Variants in LGR6 observed in about 807,000 individuals in gnomAD.
The protein encoded by LGR6 is leucine-rich repeat-containing G protein-coupled receptor 6.
LGR6 carries 45 observed loss-of-function variants against 69.4 expected under a neutral mutation model. The ratio of observed to expected loss-of-function variants is 0.65; its 90% CI spans 0.51 to 0.83. The LOEUF (loss-of-function observed/expected upper bound fraction) is 0.83. LGR6 is among the 40% of genes least tolerant of loss of function. The pLI is 0.00. For missense variants in LGR6, 1,108 were observed against 1,246.7 expected (o/e 0.89, Z 1.68); for synonymous variants, 538 against 555.0 (o/e 0.97, Z 0.43).
intron 1 of LGR6, among the ~76,000 whole-genome samples, chr1:202,195,494 A>T (rs1658606799): frequency 6.6e-6 from 1 of 152,194 alleles, no homozygotes; most frequent in Non-Finnish European, 1.5e-5. Context: ...GAGAAAAATA[A>T]TGTCCATCTA....
intron 4 of LGR6, among the ~76,000 whole-genome samples, chr1:202,242,498 G>T (rs943773640): frequency 1.3e-5 from 2 of 152,306 alleles, no homozygotes; most frequent in Admixed American, 6.5e-5. Context: ...CAGATGTCCC[G>T]AGTGAATATC....
chr1:202,237,353 A>G (rs1163354278), intron 4 of LGR6, among the ~76,000 whole-genome samples: 3 of 152,248 alleles, frequency 2.0e-5, no homozygotes, highest in Non-Finnish European at 2.9e-5. Flanking sequence ...GGGGCAGACT[A>G]AACATTTGCC....
chr1:202,206,979 G>A lies in LGR6; in HGVS notation c.212+12778G>A, dbSNP rs563233079. Among the ~76,000 whole-genome samples, 84 of 151,792 alleles carry A rather than the reference G, an allele frequency of 5.5e-4. 1 individual carries two copies. Among genetic ancestry groups the A allele is most frequent in the Non-Finnish European group, 1.0e-3 (68 of 67,950 alleles). The stretch of plus-strand genomic sequence containing the variant: ...GTCACCCAGGCTGGAGTGCAATGGC[G>A]CTATCTTGGCTCACTGCAACCTCCG... On this transcript the variant is annotated intron_variant, in intron 1 of 17. Coordinates refer to ENST00000367278, the MANE Select transcript of LGR6 (RefSeq NM_001017403.2).
chr1:202,265,001 A>G (rs530042779), intron 4 of LGR6, among the ~76,000 whole-genome samples: 1 of 152,076 alleles, frequency 6.6e-6, no homozygotes, highest in South Asian at 2.1e-4. Context: ...AGAGGCTGAC[A>G]GTGAGGGGAA....
chr1:202,256,274 C>T (rs1158368151), intron 4 of LGR6, among the ~76,000 whole-genome samples: 4 of 151,966 alleles, frequency 2.6e-5, no homozygotes, highest in African/African-American at 7.3e-5. Flanking sequence ...GATAGAGTCT[C>T]GCTCAGCCAC....
chr1:202,199,475 G>T (rs373914713), intron 1 of LGR6, among the ~76,000 whole-genome samples: 1 of 152,214 alleles, frequency 6.6e-6, no homozygotes, highest in Non-Finnish European at 1.5e-5. Flanking sequence ...GAAACCTCTC[G>T]GCTCTGGCAG....
At position 202,295,327 on chromosome 1, in the gene LGR6, CAAAAA is replaced by C. The variant is rs58243962; in HGVS notation, c.717-2163_717-2159del. Among the ~76,000 whole-genome samples the C allele has an allele frequency of 1.3e-4, 6 of 45,556 alleles. No homozygotes were observed. In the South Asian group the frequency reaches 2.4e-3, roughly 18 times the overall value. 29.9% of individuals were successfully genotyped at this position (45,556 alleles called of 152,430 possible). On this transcript the variant is annotated intron_variant, in intron 6 of 17. Transcript: ENST00000367278. ...CAGGCGACAGAGCAAGACTCCATCT[CAAAAA>C]AAAAAAAAAAAAAAAAAGACTTTTC...
At chr1:202,254,550 C>G (rs1465606636) in intron 4 of LGR6, among the ~76,000 whole-genome samples, 2 of 152,246 alleles carry the variant, frequency 1.3e-5, no homozygotes, top group Non-Finnish European at 2.9e-5. Flanking sequence ...TTCTGCAGAT[C>G]TGTGTTGTAC....
intron 7 of LGR6, among the ~76,000 whole-genome samples, chr1:202,298,446 C>T (rs945567142): frequency 1.3e-4 from 20 of 151,764 alleles, no homozygotes; most frequent in Non-Finnish European, 2.5e-4. Context: ...AGAGCTCTAT[C>T]GTACAGCTAG....
At chr1:202,225,276 T>G in intron 1 of LGR6, 147 bp from the exon 2 acceptor site, 1 of 708,074 alleles carries the variant, frequency 1.4e-6, no homozygotes, top group Non-Finnish European at 2.6e-6. Context: ...GCAGCTGCTG[T>G]TGTCAGACTG....
rs571424670 is a variant in LGR6, at chr1:202,306,511, G to A, written c.1137-357G>A. Among the ~76,000 whole-genome samples, 4 of 152,288 alleles carry A rather than the reference G, an allele frequency of 2.6e-5. No individual in the cohort carries two copies. In the East Asian group the frequency reaches 5.8e-4, roughly 22 times the overall value. ...GAGCTCTGCTTCCCAGTTCCGGCCAGTCACTTGGGTTGGGCGGTGCTCTGC... is the reference window on the plus strand; with the variant it reads ...GAGCTCTGCTTCCCAGTTCCGGCCAATCACTTGGGTTGGGCGGTGCTCTGC... On this transcript the variant is annotated intron_variant, in intron 12 of 17. Coordinates refer to ENST00000367278, the MANE Select transcript of LGR6 (RefSeq NM_001017403.2).
chr1:202,218,781 T>C (rs2147934008), intron 1 of LGR6, among the ~76,000 whole-genome samples: 1 of 152,246 alleles, frequency 6.6e-6, no homozygotes, highest in South Asian at 2.1e-4. Context: ...CTCTCCTGAG[T>C]GTCTGTTGTA....
At chr1:202,199,281 G>A (rs1337081858) in intron 1 of LGR6, among the ~76,000 whole-genome samples, 1 of 152,120 alleles carries the variant, frequency 6.6e-6, no homozygotes, top group African/African-American at 2.4e-5. Context: ...GAGGGGTACA[G>A]TGACTCCAGG....
intron 4 of LGR6, among the ~76,000 whole-genome samples, chr1:202,262,702 T>C (rs1168749652): frequency 6.6e-6 from 1 of 152,212 alleles, no homozygotes; most frequent in Non-Finnish European, 1.5e-5. Flanking sequence ...CTCGTTTCTA[T>C]CTATCTCATA....
intron 16 of LGR6, among the ~76,000 whole-genome samples, chr1:202,313,195 C>T (rs1415825803): frequency 6.6e-6 from 1 of 151,666 alleles, no homozygotes; most frequent in Non-Finnish European, 1.5e-5. Context: ...CCACTGCACT[C>T]CAGCCTGGGC....
intron 3 of LGR6, among the ~76,000 whole-genome samples, chr1:202,230,406 C>T (rs537079298): frequency 4.6e-5 from 7 of 152,322 alleles, no homozygotes; most frequent in Admixed American, 2.6e-4. Flanking sequence ...AGTCTCACAT[C>T]GCTATCTCTG....
intron 4 of LGR6, among the ~76,000 whole-genome samples, chr1:202,265,336 A>G (rs1664559999): frequency 6.6e-6 from 1 of 152,112 alleles, no homozygotes; most frequent in African/African-American, 2.4e-5. Context: ...TGGGCTCTTC[A>G]GGGCTTGTGT....
At chr1:202,240,407 A>G (rs1478695243) in intron 4 of LGR6, among the ~76,000 whole-genome samples, 1 of 151,824 alleles carries the variant, frequency 6.6e-6, no homozygotes, top group Non-Finnish European at 1.5e-5. Context: ...GAAAGAACGA[A>G]TGAACAGCAC....
chr1:202,235,484 C>T (rs1661464298), intron 3 of LGR6, among the ~76,000 whole-genome samples: 1 of 152,192 alleles, frequency 6.6e-6, no homozygotes, highest in Non-Finnish European at 1.5e-5. Flanking sequence ...CAGCCTTATC[C>T]TCATCCACAT....
Sources: gnomAD v4.1 joint callset for allele counts (sites outside exome capture counted in the v4.1 genomes callset) on GRCh38, gnomAD v4.1.1 for gene constraint, MANE v1.5 for transcripts, NCBI Gene and HGNC (gene_info 2026-07-23, HGNC 2026-07-21) for gene names.